The following TRMT1 variants were observed in gnomAD, a reference collection of about 807,000 sequenced individuals.
TRMT1 encodes the protein tRNA (guanine(26)-N(2))-dimethyltransferase.
In TRMT1, 63 loss-of-function variants were observed where a neutral mutation model predicts 75.4. That is an observed-to-expected ratio of 0.84 (90% CI 0.68 to 1.03). The LOEUF (loss-of-function observed/expected upper bound fraction) is 1.03. Among genes scored for constraint, TRMT1 ranks in the 50% least tolerant of loss-of-function variants. The probability of loss-of-function intolerance (pLI) is 0.00; values close to 1 mark genes in which losing one functional copy is unlikely to be tolerated. For missense variants in TRMT1, 870 were observed against 905.3 expected, an observed-to-expected ratio of 0.96 and a Z score of 0.50; for synonymous variants, 382 against 358.1, an observed-to-expected ratio of 1.07 and a Z score of -0.75.
At chr19:13,115,161 CTG>C (rs2019288805) in intron 5 of TRMT1, 116 bp downstream of exon 5, 4 of 1,124,416 alleles carry the variant, frequency 3.6e-6, no homozygotes, top group Non-Finnish European at 4.9e-6. Flanking sequence ...GACAAGGAAA[CTG>C]GGGCTCAAAG....
intron 12 of TRMT1, among the ~76,000 whole-genome samples, chr19:13,109,077 G>A (rs1190081303): frequency 2.7e-5 from 4 of 148,134 alleles, no homozygotes; most frequent in Non-Finnish European, 5.9e-5. Context: ...CACCATGCCA[G>A]GCTAATGGGT....
At position 13,107,849 on chromosome 19, in the gene TRMT1, G is replaced by A. The variant is rs1409818826; in HGVS notation, c.1408C>T (p.Leu470Phe). 1.3e-6 allele frequency: 2 copies of A among 1,551,648 alleles called. No homozygotes were observed. Among genetic ancestry groups the A allele is most frequent in the Admixed American group, 2.0e-5 (1 of 50,984 alleles). Residue 470 changes from leucine (L) to phenylalanine (F), a missense_variant, in exon 13 of 17, where the codon CTC becomes TTC. Physicochemically the swap from Leu to Phe is conservative, Grantham distance 22. Transcript: ENST00000357720. ...PSLLQLRSAL[L>F]HADFRVSLSH... ...AGTGAGACCCGGAAGTCAGCGTGGA[G>A]GAGGGCCGACCTGGGGAACAGCAGG...
chr19:13,107,646 T>G lies in TRMT1; in HGVS notation c.1511A>C (p.Lys504Thr). ...TCGCTCCCGTTTCACCGGACATTCCTTCTCCTGGGGGCAGAGGTCAGAGGT... is the reference window on the plus strand; with the variant it reads ...TCGCTCCCGTTTCACCGGACATTCCGTCTCCTGGGGGCAGAGGTCAGAGGT... Reference protein sequence around the residue: ...ALWDIMRCWEKECPVKRERLS... With the variant: ...ALWDIMRCWETECPVKRERLS... The change falls in exon 14 of 17, where the codon AAG becomes ACG. Residue 504 changes from lysine (K) to threonine (T), a missense_variant. Lys to Thr is a moderately conservative substitution (Grantham distance 78, BLOSUM62 -1). Transcript: ENST00000357720. The G allele has an allele frequency of 6.2e-7, 1 of 1,605,876 alleles. No individual in the cohort carries two copies. The highest frequency in any genetic ancestry group is 1.7e-4 in the Middle Eastern group (1 of 6,050).
intron 4 of TRMT1, 64 bp downstream of exon 4, chr19:13,115,562 C>G (rs1202612565): frequency 1.2e-6 from 2 of 1,607,878 alleles, no homozygotes; most frequent in Admixed American, 1.7e-5. Context: ...TAGCTCTCCC[C>G]CTCCAGGAGC....
At position 13,110,407 on chromosome 19, in the gene TRMT1, T is replaced by A. The variant is rs978242754; in HGVS notation, c.871-101A>T. The A allele has an allele frequency of 1.6e-5, 22 of 1,374,664 alleles. No homozygotes were observed. In the East Asian group the frequency reaches 5.1e-4, roughly 32 times the overall value. 85.2% of individuals were successfully genotyped at this position (1,374,664 alleles called of 1,614,324 possible). ...AAGTACAGGCTCAGGGCCAGCTCCC[T>A]GGGATCCAAGCCCACCCCTGAAAGT... On this transcript the variant is annotated intron_variant, in intron 7 of 16. Coordinates refer to ENST00000357720, the MANE Select transcript of TRMT1 (RefSeq NM_001136035.4).
chr19:13,110,602 G>A (rs949634541), intron 7 of TRMT1, among the ~76,000 whole-genome samples: 1 of 152,258 alleles, frequency 6.6e-6, no homozygotes, highest in African/African-American at 2.4e-5. Flanking sequence ...CATGTGGCAT[G>A]TACTGAGGAC....
intron 14 of TRMT1, among the ~76,000 whole-genome samples, chr19:13,107,299 C>T (rs1355387227): frequency 1.3e-5 from 2 of 151,796 alleles, no homozygotes; most frequent in Non-Finnish European, 2.9e-5. Context: ...CACACCATGC[C>T]CAGCTAATTT....
chr19:13,107,963 C>T (rs2018958188), intron 12 of TRMT1, 104 bp from the exon 13 acceptor site: 2 of 654,758 alleles, frequency 3.1e-6, no homozygotes. Flanking sequence ...CTCATGGCTA[C>T]AGAGTTCATT....
At chr19:13,105,466 C>T (rs371497073) in intron 15 of TRMT1, 21 bp downstream of exon 15, 40 of 1,613,856 alleles carry the variant, frequency 2.5e-5, no homozygotes, top group South Asian at 1.8e-4. Context: ...TGAGCCCCAC[C>T]CCCACCTTAC....
chr19:13,111,004 G>C (rs1346548663), intron 7 of TRMT1, among the ~76,000 whole-genome samples: 1 of 152,176 alleles, frequency 6.6e-6, no homozygotes, highest in Non-Finnish European at 1.5e-5. Context: ...GTGAGACTCT[G>C]ATATGGGAAA....
intron 8 of TRMT1, 38 bp downstream of exon 8, chr19:13,110,120 T>C: frequency 6.2e-7 from 1 of 1,609,568 alleles, no homozygotes; most frequent in South Asian, 1.1e-5. Flanking sequence ...TCCTGTCTCC[T>C]CTCTCAATCC....
rs746816389 is a variant in TRMT1, at chr19:13,115,810, C to T, written c.311-42G>A. The stretch of plus-strand genomic sequence containing the variant: ...GCACAAGTCAGAGAATAACAAGGTC[C>T]CCTCTGAGAAACCTCCCCTTAATCT... On this transcript the variant is annotated intron_variant, in intron 3 of 16. Transcript: ENST00000357720. The T allele has an allele frequency of 3.1e-6, 5 of 1,612,146 alleles. No individual in the cohort carries two copies. In the Admixed American group the frequency reaches 8.4e-5, roughly 27 times the overall value.
chr19:13,105,758 T>G lies in TRMT1; in HGVS notation c.1584-152A>C, dbSNP rs147920561. 4.7e-5 allele frequency: 40 copies of G among 846,982 alleles called. No individual in the cohort carries two copies. In the African/African-American group the frequency reaches 6.9e-4, roughly 15 times the overall value. 52.5% of individuals were successfully genotyped at this position (846,982 alleles called of 1,614,324 possible). On this transcript the variant is annotated intron_variant, in intron 14 of 16. Coordinates refer to ENST00000357720, the MANE Select transcript of TRMT1 (RefSeq NM_001136035.4). The stretch of plus-strand genomic sequence containing the variant: ...ATTCATCTAATAAACATTTTTGGTT[T>G]TTTTAAAGAGATGGGGTCTCGGCCA...
Position 13,105,271 on chromosome 19 carries a change from T to G in TRMT1, c.1829A>C (p.Lys610Thr). The G allele has an allele frequency of 6.2e-7, 1 of 1,613,482 alleles. No individual in the cohort carries two copies. The highest frequency in any genetic ancestry group is 8.5e-7 in the Non-Finnish European group (1 of 1,179,764). Residue 610 changes from lysine to threonine, a missense_variant, in exon 16 of 17, where the codon AAG (lysine) becomes ACG (threonine). Physicochemically the swap from Lys to Thr is moderately conservative, Grantham distance 78. Transcript: ENST00000357720. The part of the protein sequence containing the change: ...RLKTFPCKRF[K>T]EGTCQRGDQC... ...GAAAGGGAGGAGGGACCTCACCTCC[T>G]TAAACCTCTTGCAAGGAAATGTCTT...
chr19:13,114,167 CAT>C (rs2019245159), intron 5 of TRMT1, among the ~76,000 whole-genome samples: 1 of 152,168 alleles, frequency 6.6e-6, no homozygotes, highest in Non-Finnish European at 1.5e-5. Context: ...GTCCCTACTG[CAT>C]AGTCTTCTTT....
In TRMT1 at chr19:13,116,010, G is replaced by A. The variant is rs745680286; in HGVS notation, c.297C>T (p.Ala99=). 6.2e-7 allele frequency: 1 copy of A among 1,613,918 alleles called. No individual in the cohort carries two copies. Among genetic ancestry groups the A allele is most frequent in the East Asian group, 2.2e-5 (1 of 44,860 alleles). ...ITEFARIQLG[A]KGIQIKVPGE... Reference sequence around the variant, plus strand: ...ACCTCCACTCACTCTGGATTCCTTTGGCCCCAAGCTGAATGCGAGCAAACT... The same window carrying A: ...ACCTCCACTCACTCTGGATTCCTTTAGCCCCAAGCTGAATGCGAGCAAACT... Residue 99 remains alanine (A), a synonymous_variant, in exon 3 of 17, where the codon GCC becomes GCT. Coordinates refer to ENST00000357720, the MANE Select transcript of TRMT1 (RefSeq NM_001136035.4).
chr19:13,115,563 C>T (rs2019310180), intron 4 of TRMT1, 63 bp downstream of exon 4: 5 of 1,608,484 alleles, frequency 3.1e-6, no homozygotes, highest in Admixed American at 3.3e-5. Context: ...AGCTCTCCCC[C>T]TCCAGGAGCC....
Position 13,109,913 on chromosome 19 carries a change from A to G in TRMT1, c.1106+2T>C. The G allele has an allele frequency of 6.2e-7, 1 of 1,613,966 alleles. No individual in the cohort carries two copies. Among genetic ancestry groups the G allele is most frequent in the South Asian group, 1.1e-5 (1 of 91,080 alleles). On this transcript the variant is annotated splice_donor_variant, in intron 9 of 16. Coordinates refer to ENST00000357720, the MANE Select transcript of TRMT1 (RefSeq NM_001136035.4). LOFTEE classifies it high-confidence loss of function. ...CCCTTCTTCTCCTTCCTCCCTGCTCACCGGCCGCTGGGGACTCCTGACGCT... is the reference window on the plus strand; with the variant it reads ...CCCTTCTTCTCCTTCCTCCCTGCTCGCCGGCCGCTGGGGACTCCTGACGCT...
intron 12 of TRMT1, among the ~76,000 whole-genome samples, chr19:13,108,763 C>T (rs1000250873): frequency 6.6e-6 from 1 of 151,748 alleles, no homozygotes; most frequent in Non-Finnish European, 1.5e-5. Context: ...GCATGTGCCA[C>T]CACACCCAGC....
Sources: allele counts gnomAD v4.1 joint callset (sites outside exome capture counted in the v4.1 genomes callset), GRCh38; gene constraint gnomAD v4.1.1; transcripts MANE v1.5; gene names NCBI Gene and HGNC (gene_info 2026-07-23, HGNC 2026-07-21).